PTPN3: variants seen among roughly 807,000 people sequenced by gnomAD.
PTPN3 encodes protein tyrosine phosphatase non-receptor type 3, also known as tyrosine-protein phosphatase non-receptor type 3.
PTPN3 carries 96 observed loss-of-function variants against 132.7 expected under a neutral mutation model. The ratio of observed to expected loss-of-function variants is 0.72; its 90% CI spans 0.61 to 0.86. The LOEUF is 0.86. PTPN3 is among the 40% of genes least tolerant of loss of function. The pLI is 0.00. For missense variants in PTPN3, 1,125 were observed against 1,159.6 expected (o/e 0.97, Z 0.43); for synonymous variants, 398 against 429.0 (o/e 0.93, Z 0.89).
intron 1 of PTPN3, among the ~76,000 whole-genome samples, chr9:109,480,952 T>C (rs763003238): frequency 3.4e-4 from 52 of 152,304 alleles, no homozygotes; most frequent in Non-Finnish European, 1.0e-4. Context: ...GGATGGTTGA[T>C]GGATAAACCA....
chr9:109,505,515 A>G, the PTPN3 span, among the ~76,000 whole-genome samples: 1 of 152,282 alleles, frequency 6.6e-6, no homozygotes, highest in South Asian at 2.1e-4. Flanking sequence ...CTGGGCTCAA[A>G]CAATCCTACT....
intron 14 of PTPN3, 51 bp downstream of exon 14, chr9:109,420,373 G>C: frequency 2.0e-6 from 3 of 1,523,984 alleles, no homozygotes; most frequent in African/African-American, 1.4e-5. Flanking sequence ...AGCAAATTCC[G>C]CAACAGCCAA....
chr9:109,421,345 A>AT (rs1030307111), intron 13 of PTPN3, among the ~76,000 whole-genome samples: 4 of 151,964 alleles, frequency 2.6e-5, no homozygotes, highest in African/African-American at 9.7e-5. Context: ...TCTAAGTTCT[A>AT]TTTTCCCTCA....
At chr9:109,433,254 A>G in intron 9 of PTPN3, 93 bp from the exon 10 acceptor site, 3 of 1,517,754 alleles carry the variant, frequency 2.0e-6, no homozygotes, top group South Asian at 2.6e-5. Context: ...ATAAATAGTC[A>G]TATGTATAGG....
At chr9:109,379,700 C>A (rs375172438) in intron 25 of PTPN3, 67 bp from the exon 26 acceptor site, 3 of 1,344,682 alleles carry the variant, frequency 2.2e-6, no homozygotes, top group African/African-American at 2.9e-5. Flanking sequence ...CACCCTGTAC[C>A]GGTGGGTCTT....
At chr9:109,429,151 T>C in intron 10 of PTPN3, 2 of 672,210 alleles carry the variant, frequency 3.0e-6, no homozygotes, top group Non-Finnish European at 3.7e-6. Context: ...CTGAACATTT[T>C]TTAGATACTA....
chr9:109,449,066 T>A (rs1422160965), intron 5 of PTPN3: 2 of 1,376,476 alleles, frequency 1.5e-6, no homozygotes, highest in African/African-American at 1.5e-5. Context: ...ACGTCTTGAC[T>A]GGTGGGGGCA....
intron 1 of PTPN3, among the ~76,000 whole-genome samples, chr9:109,493,533 A>G (rs759783008): frequency 1.3e-4 from 20 of 152,316 alleles, no homozygotes; most frequent in Middle Eastern, 3.4e-3. Context: ...GACTATTCCA[A>G]TTTCAAATCC....
chr9:109,441,832 C>T (rs1463046616), intron 7 of PTPN3, among the ~76,000 whole-genome samples: 2 of 151,666 alleles, frequency 1.3e-5, no homozygotes, highest in South Asian at 2.1e-4. Context: ...GTCTCTAATT[C>T]CTGGGGTCAA....
chr9:109,376,085 C>G lies in PTPN3; in HGVS notation c.*3471G>C, dbSNP rs1838534956. On this transcript the variant is annotated 3_prime_UTR_variant, in exon 26 of 26. Coordinates refer to ENST00000374541, the MANE Select transcript of PTPN3 (RefSeq NM_002829.4). ...GACAAGTCTCAGAAATGTGACATGT[C>G]TCTGTAGCAGCCATAAAGCTTTGGT... is the stretch of plus-strand genomic sequence containing the variant. 6.6e-6 allele frequency: 1 copy of G among 152,196 alleles called. No individual in the cohort carries two copies. Among genetic ancestry groups the G allele is most frequent in the African/African-American group, 2.4e-5 (1 of 41,434 alleles). 9.4% of individuals were successfully genotyped at this position (152,196 alleles called of 1,614,324 possible).
chr9:109,478,031 G>A (rs776101663), intron 1 of PTPN3, among the ~76,000 whole-genome samples: 1 of 152,202 alleles, frequency 6.6e-6, no homozygotes, highest in Non-Finnish European at 1.5e-5. Context: ...TGGATCTCTG[G>A]AGGATCCAGG....
At position 109,433,111 on chromosome 9, in the gene PTPN3, A is replaced by G. The variant is rs1843779988; in HGVS notation, c.726T>C (p.Ala242=). 6.2e-7 allele frequency: 1 copy of G among 1,614,176 alleles called. No individual in the cohort carries two copies. Among genetic ancestry groups the G allele is most frequent in the Non-Finnish European group, 8.5e-7 (1 of 1,180,018 alleles). ...TTGTGCAAATGTATTTTCGGTACAC[A>G]GCAACACCCGCGGAAGCAATTCCAA... is the stretch of plus-strand genomic sequence containing the variant. The part of the protein sequence containing the change: ...LMIGIASAGV[A]VYRKYICTSF... Residue 242 remains alanine (A), a synonymous_variant, in exon 10 of 26, where the codon GCT becomes GCC. Coordinates refer to ENST00000374541, the MANE Select transcript of PTPN3 (RefSeq NM_002829.4).
chr9:109,537,914 A>G, the PTPN3 span, among the ~76,000 whole-genome samples: 1 of 152,230 alleles, frequency 6.6e-6, no homozygotes, highest in East Asian at 1.9e-4. Flanking sequence ...CTTATCATTA[A>G]CGTTCCCACT....
intron 16 of PTPN3, among the ~76,000 whole-genome samples, chr9:109,408,796 A>AAAATATATATATATATAT (rs1377996219): frequency 9.2e-6 from 1 of 108,374 alleles, no homozygotes; most frequent in African/African-American, 3.7e-5. Flanking sequence ...AAAAAAAAAA[A>AAAATATATATATATATAT]ATATATATAT....
At chr9:109,439,817 G>A (rs1298846123) in intron 7 of PTPN3, among the ~76,000 whole-genome samples, 6 of 152,046 alleles carry the variant, frequency 3.9e-5, no homozygotes, top group African/African-American at 1.4e-4. Context: ...GCTGAGGCAT[G>A]AGAATCGCTT....
intron 1 of PTPN3, among the ~76,000 whole-genome samples, chr9:109,480,285 A>G (rs757636785): frequency 9.9e-5 from 15 of 152,156 alleles, no homozygotes; most frequent in Non-Finnish European, 2.2e-4. Context: ...CTCCAGCCTC[A>G]GTCTCCTTAG....
chr9:109,387,681 C>T (rs1469825055), intron 22 of PTPN3, among the ~76,000 whole-genome samples: 2 of 152,182 alleles, frequency 1.3e-5, no homozygotes, highest in Non-Finnish European at 2.9e-5. Context: ...CAGTGGAAAG[C>T]GGTGGTGCCA....
chr9:109,402,111 C>A (rs1841173086), intron 19 of PTPN3, among the ~76,000 whole-genome samples: 1 of 152,150 alleles, frequency 6.6e-6, no homozygotes, highest in African/African-American at 2.4e-5. Context: ...AAACAAACGA[C>A]TTCTCACTGC....
the PTPN3 span, among the ~76,000 whole-genome samples, chr9:109,529,253 C>G: frequency 2.0e-5 from 3 of 152,198 alleles, no homozygotes; most frequent in Non-Finnish European, 4.4e-5. Context: ...AAATCTTGGT[C>G]TCTCAATCAG....
Sources: allele counts gnomAD v4.1 joint callset (sites outside exome capture counted in the v4.1 genomes callset), GRCh38; gene constraint gnomAD v4.1.1; transcripts MANE v1.5; gene names NCBI Gene and HGNC (gene_info 2026-07-23, HGNC 2026-07-21).